RGMA: variants seen among roughly 807,000 people sequenced by gnomAD.
RGMA encodes the protein repulsive guidance molecule BMP co-receptor a.
Under a neutral mutation model 23.2 loss-of-function variants are expected in RGMA, and 10 were observed. The observed-to-expected ratio is 0.43, with a 90% CI of 0.27 to 0.73. RGMA has a LOEUF of 0.73. RGMA is among the 30% of genes least tolerant of loss of function. The pLI is 0.20. For missense variants in RGMA, 547 were observed against 630.5 expected, an observed-to-expected ratio of 0.87 and a Z score of 1.42; for synonymous variants, 308 against 279.3, an observed-to-expected ratio of 1.10 and a Z score of -1.03.
rs1895690809 is a variant in RGMA, at chr15:93,089,036, C to T, written c.-104G>A. 1 of 649,580 alleles carries T rather than the reference C, an allele frequency of 1.5e-6. No individual in the cohort carries two copies. The highest frequency in any genetic ancestry group is 2.3e-6 in the Non-Finnish European group (1 of 439,620). The allele number at this position is 649,580 out of a possible 1,614,324, so 40.2% of individuals were successfully genotyped here. A position where few individuals can be genotyped will look rare whatever the true frequency, so the allele number is the denominator to read the frequency against. On this transcript the variant is annotated 5_prime_UTR_variant, in exon 1 of 4. Transcript: ENST00000329082. ...CCGGGGCAAGGTGGGAGGGGCTCCGCTGGCGCTGGTCCCCGCCGCCCCGGC... is the reference window on the plus strand; with the variant it reads ...CCGGGGCAAGGTGGGAGGGGCTCCGTTGGCGCTGGTCCCCGCCGCCCCGGC...
chr15:93,079,310 T>C (rs1312028718), intron 1 of RGMA, among the ~76,000 whole-genome samples: 2 of 152,248 alleles, frequency 1.3e-5, no homozygotes, highest in Non-Finnish European at 2.9e-5. Flanking sequence ...TGGAACTTTG[T>C]CAGAAGGAAT....
intron 1 of RGMA, among the ~76,000 whole-genome samples, chr15:93,087,346 G>A (rs1463308583): frequency 1.3e-5 from 2 of 151,120 alleles, no homozygotes; most frequent in Non-Finnish European, 2.9e-5. Context: ...GCCTTTGTCT[G>A]CAGAACTTGC....
rs991205682 is a variant in RGMA, at chr15:93,038,450, C to G, written c.*6548G>C. On this transcript the variant is annotated 3_prime_UTR_variant, in exon 4 of 4. Coordinates refer to ENST00000329082, the MANE Select transcript of RGMA (RefSeq NM_020211.3). The stretch of plus-strand genomic sequence containing the variant: ...TGCGAGGGCGGAGGGTGGACTGTTT[C>G]TTCAAGATGCCCTCTCCCCAGTTCT... The G allele has an allele frequency of 2.8e-4, 42 of 152,222 alleles. No homozygotes were observed. Among genetic ancestry groups the G allele is most frequent in the African/African-American group, 9.9e-4 (41 of 41,516 alleles). The allele number at this position is 152,222 out of a possible 1,614,324, so 9.4% of individuals were successfully genotyped here.
chr15:93,061,570 G>A (rs2141825659), intron 2 of RGMA, among the ~76,000 whole-genome samples: 1 of 152,304 alleles, frequency 6.6e-6, no homozygotes, highest in Admixed American at 6.5e-5. Flanking sequence ...TGGGGAGGGG[G>A]GCTCCAGACT....
chr15:93,052,255 G>A lies in RGMA; in HGVS notation c.383C>T (p.Thr128Met), dbSNP rs762713342. Residue 128 changes from threonine to methionine, a missense_variant, in exon 3 of 4, where the codon ACG becomes ATG. Around this residue, in one of 3 missense-constraint regions of RGMA, gnomAD observed 214 missense variants for 234.7 expected, o/e 0.91. Coordinates refer to ENST00000329082, the MANE Select transcript of RGMA (RefSeq NM_020211.3). The stretch of plus-strand genomic sequence containing the variant: ...CTGGCTGTCTCCGGCCGGTGGGAGC[G>A]TGCGCAGGCGTGGCTGCGAGGTGGG... ...DGPTSQPRLR[T>M]LPPAGDSQER... is the part of the protein sequence containing the mutation. The A allele has an allele frequency of 1.6e-5, 26 of 1,604,664 alleles. No individual in the cohort carries two copies. The East Asian group carries it at 3.1e-4, about 19-fold the overall frequency.
intron 2 of RGMA, among the ~76,000 whole-genome samples, chr15:93,061,316 G>A (rs1894955970): frequency 6.6e-6 from 1 of 152,224 alleles, no homozygotes; most frequent in Non-Finnish European, 1.5e-5. Flanking sequence ...AGCATGCCCA[G>A]CTAATTTTTA....
Position 93,051,862 on chromosome 15 carries a change from G to T in RGMA, c.645+131C>A, listed in dbSNP as rs116136430. The T allele has an allele frequency of 1.1e-3, 1,061 of 946,064 alleles. 5 individuals carry two copies. Among genetic ancestry groups the T allele is most frequent in the African/African-American group, 0.011 (679 of 60,832 alleles). 58.6% of individuals were successfully genotyped at this position (946,064 alleles called of 1,614,324 possible). On this transcript the variant is annotated intron_variant, in intron 3 of 3. Transcript: ENST00000329082. ...CCCCCTTGGGATGCTCAGGGAGGGT[G>T]CTCCTGTGTCCCCGCTCCGCTCCGT...
At chr15:93,046,637 AGAAT>A (rs2054829055) in intron 3 of RGMA, among the ~76,000 whole-genome samples, 1 of 152,208 alleles carries the variant, frequency 6.6e-6, no homozygotes, top group South Asian at 2.1e-4. Context: ...GCTCAAAGAA[AGAAT>A]GAATAGGGCA....
rs1467728678 is a variant in RGMA, at chr15:93,068,365, TCTCCCCAA to T, written c.130+4543_130+4550del. On this transcript the variant is annotated intron_variant, in intron 2 of 3. Transcript: ENST00000329082. ...ACAAGATCTCTAGCAGGAACGACAC[TCTCCCCAA>T]CATGTAAACTGGTCCCCACCTTCAG... 2.0e-5 allele frequency among the ~76,000 whole-genome samples: 3 copies of T among 151,988 alleles called. No homozygotes were observed. In the East Asian group the frequency reaches 5.8e-4, roughly 29 times the overall value.
intron 2 of RGMA, among the ~76,000 whole-genome samples, chr15:93,065,401 A>G (rs1475612945): frequency 2.6e-5 from 3 of 113,356 alleles, no homozygotes; most frequent in Admixed American, 1.7e-4. Context: ...TAAGGGAAGA[A>G]AAAAAAAAAA....
chr15:93,073,199 A>G, intron 1 of RGMA, 168 bp from the exon 2 acceptor site: 1 of 1,194,490 alleles, frequency 8.4e-7, no homozygotes, highest in Non-Finnish European at 1.0e-6. Flanking sequence ...CTCCCTCGCC[A>G]TCCATCACTC....
intron 3 of RGMA, among the ~76,000 whole-genome samples, chr15:93,048,631 C>A (rs1157598548): frequency 6.6e-6 from 1 of 152,182 alleles, no homozygotes; most frequent in Non-Finnish European, 1.5e-5. Context: ...TGCAGCCTCT[C>A]CATCCAGCAT....
intron 2 of RGMA, among the ~76,000 whole-genome samples, chr15:93,054,548 G>C (rs1168065880): frequency 1.3e-5 from 2 of 152,184 alleles, no homozygotes; most frequent in Non-Finnish European, 2.9e-5. Context: ...TCTCTTGCCT[G>C]CTGCCACGTA....
At chr15:93,050,144 T>A (rs1469156961) in intron 3 of RGMA, among the ~76,000 whole-genome samples, 1 of 152,176 alleles carries the variant, frequency 6.6e-6, no homozygotes, top group Non-Finnish European at 1.5e-5. Context: ...CCAGCCTCCA[T>A]CGCCAGCTCC....
Position 93,044,571 on chromosome 15 carries a change from T to G in RGMA, c.*427A>C. On this transcript the variant is annotated 3_prime_UTR_variant, in exon 4 of 4. Coordinates refer to ENST00000329082, the MANE Select transcript of RGMA (RefSeq NM_020211.3). The stretch of plus-strand genomic sequence containing the variant: ...GATCGAGTGTGCTCTCGTGTAAGAG[T>G]GTGTGCGTGCGTGTGGCGGGCACAG... The G allele has an allele frequency of 4.6e-6, 1 of 215,740 alleles. No individual in the cohort carries two copies. The allele number at this position is 215,740 out of a possible 1,614,324, so 13.4% of individuals were successfully genotyped here.
chr15:93,063,602 G>A (rs575278797), intron 2 of RGMA, among the ~76,000 whole-genome samples: 162 of 152,320 alleles, frequency 1.1e-3, no homozygotes, highest in African/African-American at 3.2e-3. Flanking sequence ...AGGTGAGCGC[G>A]GGATTTTTCA....
At chr15:93,087,416 G>C (rs1895651829) in intron 1 of RGMA, among the ~76,000 whole-genome samples, 2 of 127,254 alleles carry the variant, frequency 1.6e-5, no homozygotes, top group South Asian at 5.3e-4. Context: ...AAGGGGGCTT[G>C]CTTGTCACTT....
At position 93,041,221 on chromosome 15, in the gene RGMA, A is replaced by C. The variant is rs942918555; in HGVS notation, c.*3777T>G. 1.3e-5 allele frequency: 2 copies of C among 149,874 alleles called. No homozygotes were observed. The highest frequency in any genetic ancestry group is 2.5e-5 in the African/African-American group (1 of 40,470). 9.3% of individuals were successfully genotyped at this position (149,874 alleles called of 1,614,324 possible). On this transcript the variant is annotated 3_prime_UTR_variant, in exon 4 of 4. Coordinates refer to ENST00000329082, the MANE Select transcript of RGMA (RefSeq NM_020211.3). ...TCTCTCCTGTCCTATAGCCTTGCAC[A>C]TTCTGGTTAGCTAAACAAGAACTCC... is the stretch of plus-strand genomic sequence containing the variant.
rs182848440 is a variant in RGMA at position 93,047,906 on chromosome 15, C to T, written c.646-2201G>A. Among the ~76,000 whole-genome samples, 41 of 152,290 alleles carry T rather than the reference C, an allele frequency of 2.7e-4. No individual in the cohort carries two copies. In the East Asian group the frequency reaches 7.7e-3, roughly 29 times the overall value. On this transcript the variant is annotated intron_variant, in intron 3 of 3. Coordinates refer to ENST00000329082, the MANE Select transcript of RGMA (RefSeq NM_020211.3). ...TGATGGGGAAGGGCAGGCAGGGAAA[C>T]CACAGAAGGACCTCAGCTCAGGCAG...
Sources: gnomAD v4.1 joint callset for allele counts (sites outside exome capture counted in the v4.1 genomes callset) on GRCh38, gnomAD v4.1.1 for gene constraint, gnomAD v4.1.1 regional missense constraint, MANE v1.5 for transcripts, NCBI Gene and HGNC (gene_info 2026-07-23, HGNC 2026-07-21) for gene names.